Variants in DPP10 observed in about 807,000 individuals in gnomAD.
DPP10 encodes dipeptidyl peptidase like 10.
In DPP10, 33 loss-of-function variants were observed where a neutral mutation model predicts 120.9. The ratio of observed to expected loss-of-function variants is 0.27; its 90% CI spans 0.21 to 0.37. The LOEUF (loss-of-function observed/expected upper bound fraction) is 0.37, where lower values mean the gene tolerates loss of function less well. DPP10 is among the 10% of genes least tolerant of loss of function. The pLI is 1.00. For synonymous variants in DPP10, 337 were observed against 326.1 expected (o/e 1.03, Z -0.36); for missense variants, 816 against 942.8 (o/e 0.87, Z 1.76).
intron 3 of DPP10, among the ~76,000 whole-genome samples, chr2:115,388,505 T>C (rs1240106095): frequency 6.6e-6 from 1 of 152,140 alleles, no homozygotes; most frequent in African/African-American, 2.4e-5. Flanking sequence ...GTTGTAGCAG[T>C]GGAGATAGAA....
chr2:114,462,868 G>C (rs911161861), intron 1 of DPP10, among the ~76,000 whole-genome samples: 1 of 152,110 alleles, frequency 6.6e-6, no homozygotes, highest in Non-Finnish European at 1.5e-5. Context: ...CCCACCCCCT[G>C]TTGACTTTAT....
chr2:115,772,668 A>G (rs1681616706), intron 13 of DPP10, among the ~76,000 whole-genome samples: 1 of 152,150 alleles, frequency 6.6e-6, no homozygotes, highest in African/African-American at 2.4e-5. Flanking sequence ...CACTTCAGAT[A>G]TTCGCCCCTT....
At chr2:115,817,793 C>T (rs1328880202) in intron 21 of DPP10, among the ~76,000 whole-genome samples, 1 of 151,648 alleles carries the variant, frequency 6.6e-6, no homozygotes, top group Non-Finnish European at 1.5e-5. Context: ...ACTGTTAAGC[C>T]TTAGGGACAT....
intron 2 of DPP10, among the ~76,000 whole-genome samples, chr2:115,333,839 C>T (rs2062918247): frequency 6.6e-6 from 1 of 152,078 alleles, no homozygotes; most frequent in African/African-American, 2.4e-5. Context: ...CGACCTTTCT[C>T]TCTGGCTGCC....
chr2:115,401,835 T>A (rs2068094112), intron 3 of DPP10, among the ~76,000 whole-genome samples: 1 of 151,570 alleles, frequency 6.6e-6, no homozygotes, highest in Non-Finnish European at 1.5e-5. Flanking sequence ...TGACCAATAC[T>A]CAAAAGAGTA....
At chr2:115,384,490 A>G (rs1443487478) in intron 3 of DPP10, among the ~76,000 whole-genome samples, 2 of 150,882 alleles carry the variant, frequency 1.3e-5, no homozygotes, top group African/African-American at 2.4e-5. Context: ...AAGAAGAAGA[A>G]GAAGAGGAAA....
chr2:115,765,115 C>G (rs1224947519), intron 12 of DPP10, among the ~76,000 whole-genome samples: 1 of 151,986 alleles, frequency 6.6e-6, no homozygotes, highest in African/African-American at 2.4e-5. Context: ...ATGTTTATCA[C>G]CAGACATTGT....
At chr2:115,009,497 G>A (rs1702105573) in intron 1 of DPP10, among the ~76,000 whole-genome samples, 9 of 151,824 alleles carry the variant, frequency 5.9e-5, no homozygotes, top group Admixed American at 5.9e-4. Context: ...GTTAGTGGGT[G>A]CAGCACACCA....
In DPP10 at chr2:115,395,308, CCAGT is replaced by C. The variant is rs532567840; in HGVS notation, c.271+51400_271+51403del. ...TAAATTTCCTCTTCTTATAAGGATG[CCAGT>C]CAGACTGGATTAATTTCCACCCTAA... is the stretch of plus-strand genomic sequence containing the variant. On this transcript the variant is annotated intron_variant, in intron 3 of 25. Coordinates refer to ENST00000410059, the MANE Select transcript of DPP10 (RefSeq NM_020868.6). 3.9e-3 allele frequency among the ~76,000 whole-genome samples: 594 copies of C among 152,246 alleles called. 5 individuals are homozygous for C. Among genetic ancestry groups the C allele is most frequent in the Admixed American group, 6.9e-3 (105 of 15,290 alleles).
intron 1 of DPP10, among the ~76,000 whole-genome samples, chr2:114,705,185 T>A (rs1700614695): frequency 6.6e-6 from 1 of 152,174 alleles, no homozygotes; most frequent in Non-Finnish European, 1.5e-5. Flanking sequence ...GAGCTGGACC[T>A]CTTCATAGAC....
At chr2:115,616,094 T>C (rs975921758) in intron 5 of DPP10, among the ~76,000 whole-genome samples, 14 of 152,262 alleles carry the variant, frequency 9.2e-5, no homozygotes, top group Admixed American at 8.5e-4. Flanking sequence ...AACTTTAGTG[T>C]CCCAAACCTG....
intron 1 of DPP10, among the ~76,000 whole-genome samples, chr2:114,778,398 A>G (rs1329908824): frequency 1.3e-5 from 2 of 152,178 alleles, no homozygotes; most frequent in African/African-American, 2.4e-5. Flanking sequence ...TATTAGTCCT[A>G]TAACGTTAGC....
chr2:114,979,865 A>G lies in DPP10; in HGVS notation c.61-329374A>G, dbSNP rs1388267991. ...TAGATATATTTTCTTTATGATATAC[A>G]TGGGCCACAATCAAGCATATTAATT... is the stretch of plus-strand genomic sequence containing the variant. On this transcript the variant is annotated intron_variant, in intron 1 of 25. Transcript: ENST00000410059. Among the ~76,000 whole-genome samples, 4 of 152,204 alleles carry G rather than the reference A, an allele frequency of 2.6e-5. No individual in the cohort carries two copies. The South Asian group carries it at 6.2e-4, about 24-fold the overall frequency.
At chr2:115,019,616 TCC>T (rs1702923033) in intron 1 of DPP10, among the ~76,000 whole-genome samples, 1 of 152,176 alleles carries the variant, frequency 6.6e-6, no homozygotes, top group Non-Finnish European at 1.5e-5. Flanking sequence ...AGGAAAACTT[TCC>T]CAGCCTTGAT....
intron 1 of DPP10, among the ~76,000 whole-genome samples, chr2:115,213,498 T>TC (rs1289213929): frequency 6.6e-6 from 1 of 152,176 alleles, no homozygotes; most frequent in Non-Finnish European, 1.5e-5. Flanking sequence ...TCCTGACTGA[T>TC]CATATACTGC....
chr2:115,295,946 G>T (rs568621531), intron 1 of DPP10, among the ~76,000 whole-genome samples: 1 of 152,184 alleles, frequency 6.6e-6, no homozygotes, highest in South Asian at 2.1e-4. Context: ...TTTTGTCAGA[G>T]TTAATAAGTG....
chr2:114,517,185 C>A (rs765651754), intron 1 of DPP10, among the ~76,000 whole-genome samples: 2 of 152,120 alleles, frequency 1.3e-5, no homozygotes, highest in African/African-American at 2.4e-5. Context: ...TTTAAGAGAT[C>A]TAATCATTTC....
intron 7 of DPP10, among the ~76,000 whole-genome samples, chr2:115,724,997 C>A (rs2092731552): frequency 1.3e-5 from 2 of 152,154 alleles, no homozygotes; most frequent in South Asian, 4.1e-4. Flanking sequence ...ATGACCTAAA[C>A]ACCTCCCACC....
At chr2:115,617,184 TGGA>T (rs2084571887) in intron 5 of DPP10, among the ~76,000 whole-genome samples, 1 of 149,242 alleles carries the variant, frequency 6.7e-6, no homozygotes, top group African/African-American at 2.4e-5. Flanking sequence ...CCCTTAACCA[TGGA>T]GGGTACATTC....
Sources: allele counts gnomAD v4.1 joint callset (sites outside exome capture counted in the v4.1 genomes callset), GRCh38; gene constraint gnomAD v4.1.1; transcripts MANE v1.5; gene names NCBI Gene and HGNC (gene_info 2026-07-23, HGNC 2026-07-21).